The following HMGCLL1 variants were observed in gnomAD, a reference collection of about 807,000 sequenced individuals.
HMGCLL1 encodes 3-hydroxymethyl-3-methylglutaryl-CoA lyase, cytoplasmic.
HMGCLL1 carries 36 observed loss-of-function variants against 39.1 expected under a neutral mutation model. The observed-to-expected ratio is 0.92, with a 90% confidence interval of 0.71 to 1.22. The LOEUF is 1.22. Among genes scored for constraint, HMGCLL1 ranks in the 50% most tolerant of loss-of-function variants. HMGCLL1 has a pLI of 0.00. For synonymous variants in HMGCLL1, 149 were observed against 144.0 expected (o/e 1.03, Z -0.25); for missense variants, 451 against 416.5 (o/e 1.08, Z -0.72).
At chr6:55,486,835 A>G (rs1467142592) in intron 7 of HMGCLL1, among the ~76,000 whole-genome samples, 1 of 152,114 alleles carries the variant, frequency 6.6e-6, no homozygotes, top group Non-Finnish European at 1.5e-5. Flanking sequence ...GCAGTTCTAG[A>G]AGCTGGGAAG....
At chr6:55,658,662 A>T in the HMGCLL1 span, among the ~76,000 whole-genome samples, 1 of 152,100 alleles carries the variant, frequency 6.6e-6, no homozygotes, top group East Asian at 1.9e-4. Flanking sequence ...ATTGTGTAAC[A>T]TGGTATATAG....
chr6:55,499,622 T>A (rs771079134), intron 5 of HMGCLL1, among the ~76,000 whole-genome samples: 2 of 152,068 alleles, frequency 1.3e-5, no homozygotes, highest in Non-Finnish European at 2.9e-5. Flanking sequence ...AATATATGGT[T>A]TTATTAAAAT....
chr6:55,591,291 G>C, the HMGCLL1 span, among the ~76,000 whole-genome samples: 1 of 151,874 alleles, frequency 6.6e-6, no homozygotes, highest in Non-Finnish European at 1.5e-5. Flanking sequence ...AACATCATAA[G>C]TACTATCCAG....
intron 3 of HMGCLL1, among the ~76,000 whole-genome samples, chr6:55,530,639 C>T (rs1352719431): frequency 1.3e-5 from 2 of 152,014 alleles, no homozygotes; most frequent in Admixed American, 1.3e-4. Flanking sequence ...GAAACATTAG[C>T]ATATATACAT....
chr6:55,664,159 A>G, the HMGCLL1 span, among the ~76,000 whole-genome samples: 1 of 151,876 alleles, frequency 6.6e-6, no homozygotes. Flanking sequence ...TGGGGCATTT[A>G]GCCCATTCAC....
the HMGCLL1 span, among the ~76,000 whole-genome samples, chr6:55,617,258 G>T: frequency 3.3e-5 from 5 of 152,052 alleles, no homozygotes; most frequent in Admixed American, 3.3e-4. Context: ...ACATATCTTT[G>T]TGATGTTTGA....
chr6:55,623,074 T>C, the HMGCLL1 span, among the ~76,000 whole-genome samples: 1 of 152,032 alleles, frequency 6.6e-6, no homozygotes, highest in Non-Finnish European at 1.5e-5. Flanking sequence ...GTCTCAATGA[T>C]TCTTTGAATT....
At chr6:55,568,779 G>T (rs1367615297) in intron 1 of HMGCLL1, among the ~76,000 whole-genome samples, 1 of 151,966 alleles carries the variant, frequency 6.6e-6, no homozygotes, top group East Asian at 1.9e-4. Context: ...AAAACCATGG[G>T]TCATATGAGA....
intron 1 of HMGCLL1, among the ~76,000 whole-genome samples, chr6:55,544,660 C>A (rs1432294538): frequency 2.0e-5 from 3 of 152,050 alleles, no homozygotes; most frequent in Non-Finnish European, 4.4e-5. Flanking sequence ...ATTCAAAGGC[C>A]ATTTTTAGGG....
chr6:55,553,249 G>A (rs889188351), intron 1 of HMGCLL1, among the ~76,000 whole-genome samples: 35 of 10,096 alleles, frequency 3.5e-3, no homozygotes, highest in African/African-American at 9.4e-3. Flanking sequence ...ACATATATAC[G>A]TGTGTGTGTG....
the HMGCLL1 span, among the ~76,000 whole-genome samples, chr6:55,618,221 C>T: frequency 1.3e-5 from 2 of 151,652 alleles, no homozygotes; most frequent in Admixed American, 6.6e-5. Context: ...TGGTAATGTT[C>T]TATTGCTTGA....
chr6:55,642,950 G>T, the HMGCLL1 span, among the ~76,000 whole-genome samples: 2 of 151,912 alleles, frequency 1.3e-5, no homozygotes, highest in African/African-American at 4.8e-5. Flanking sequence ...CTCCATCCAC[G>T]TTCCTGCAAA....
At chr6:55,650,893 C>T in the HMGCLL1 span, among the ~76,000 whole-genome samples, 9 of 151,596 alleles carry the variant, frequency 5.9e-5, no homozygotes, top group African/African-American at 1.9e-4. Context: ...CTTCTGTCAG[C>T]TTTTGGTGAA....
chr6:55,610,711 T>C, the HMGCLL1 span, among the ~76,000 whole-genome samples: 1 of 152,056 alleles, frequency 6.6e-6, no homozygotes, highest in Non-Finnish European at 1.5e-5. Flanking sequence ...TATGAGCAGA[T>C]CAACACTAAG....
chr6:55,660,460 C>T, the HMGCLL1 span, among the ~76,000 whole-genome samples: 1 of 151,854 alleles, frequency 6.6e-6, no homozygotes, highest in Non-Finnish European at 1.5e-5. Context: ...TAAATGAAAA[C>T]ATGCCGTATT....
intron 1 of HMGCLL1, among the ~76,000 whole-genome samples, chr6:55,576,028 C>T (rs986043527): frequency 3.9e-5 from 6 of 152,304 alleles, no homozygotes; most frequent in African/African-American, 1.2e-4. Flanking sequence ...ATTAACCAGA[C>T]ATTCTGATAA....
At chr6:55,592,006 A>C in the HMGCLL1 span, among the ~76,000 whole-genome samples, 1 of 152,138 alleles carries the variant, frequency 6.6e-6, no homozygotes, top group African/African-American at 2.4e-5. Flanking sequence ...TTATAATAAA[A>C]TACTAATTTT....
At chr6:55,544,761 A>G (rs1769863274) in intron 1 of HMGCLL1, among the ~76,000 whole-genome samples, 2 of 152,158 alleles carry the variant, frequency 1.3e-5, no homozygotes, top group South Asian at 2.1e-4. Flanking sequence ...ACCACTCTCT[A>G]CAATTTCCAT....
intron 1 of HMGCLL1, among the ~76,000 whole-genome samples, chr6:55,544,312 G>A (rs1023549621): frequency 1.3e-5 from 2 of 151,992 alleles, no homozygotes; most frequent in East Asian, 1.9e-4. Flanking sequence ...GGGGGAAAAC[G>A]AAACAGCCTT....
Sources: gnomAD v4.1 joint callset for allele counts (sites outside exome capture counted in the v4.1 genomes callset) on GRCh38, gnomAD v4.1.1 for gene constraint, MANE v1.5 for transcripts, NCBI Gene and HGNC (gene_info 2026-07-23, HGNC 2026-07-21) for gene names.